The following SNTB2 variants were observed in gnomAD, a reference collection of about 807,000 sequenced individuals.
SNTB2 encodes the protein beta-2-syntrophin.
Under a neutral mutation model 46.2 loss-of-function variants are expected in SNTB2, and 34 were observed. That is an observed-to-expected ratio of 0.74 (90% CI 0.56 to 0.98). The LOEUF (loss-of-function observed/expected upper bound fraction) is 0.98, where lower values mean the gene tolerates loss of function less well. Ranked by LOEUF, SNTB2 falls within the 50% of genes least tolerant of loss-of-function variation. The pLI, the probability that SNTB2 is intolerant of heterozygous loss-of-function variation, is 0.00. For synonymous variants in SNTB2, 290 were observed against 312.6 expected, an observed-to-expected ratio of 0.93 and a Z score of 0.76; for missense variants, 603 against 731.4, an observed-to-expected ratio of 0.82 and a Z score of 2.02.
chr16:69,281,090 C>T lies in SNTB2; in HGVS notation c.1149-2958C>T, dbSNP rs377101339. 4.7e-4 allele frequency among the ~76,000 whole-genome samples: 72 copies of T among 152,194 alleles called. No individual in the cohort carries two copies. The East Asian group carries it at 0.01, about 22-fold the overall frequency. On this transcript the variant is annotated intron_variant, in intron 4 of 6. Transcript: ENST00000336278. ...GATTACAGGCATGAGCCACCGCGCC[C>T]GGCCTCATTCTCTTAACAGTATTTT...
At chr16:69,227,386 A>G (rs1425121477) in intron 1 of SNTB2, among the ~76,000 whole-genome samples, 1 of 152,218 alleles carries the variant, frequency 6.6e-6, no homozygotes, top group Non-Finnish European at 1.5e-5. Flanking sequence ...GTGATGCCAT[A>G]TAGAGTGGGG....
chr16:69,201,697 A>G (rs887432302), intron 1 of SNTB2, among the ~76,000 whole-genome samples: 1 of 152,206 alleles, frequency 6.6e-6, no homozygotes, highest in Non-Finnish European at 1.5e-5. Flanking sequence ...AAACCAAAAA[A>G]CCAAAAATGT....
At chr16:69,207,215 C>T (rs1434702007) in intron 1 of SNTB2, among the ~76,000 whole-genome samples, 3 of 131,622 alleles carry the variant, frequency 2.3e-5, no homozygotes, top group South Asian at 2.2e-4. Context: ...AGTGCAGTGG[C>T]GCAATATCGG....
At chr16:69,207,389 C>G (rs1964233976) in intron 1 of SNTB2, among the ~76,000 whole-genome samples, 1 of 151,956 alleles carries the variant, frequency 6.6e-6, no homozygotes, top group Non-Finnish European at 1.5e-5. Context: ...AACTCCTGAC[C>G]TCAGGTGATC....
intron 3 of SNTB2, among the ~76,000 whole-genome samples, chr16:69,269,601 A>G (rs1482437278): frequency 6.6e-6 from 1 of 152,240 alleles, no homozygotes; most frequent in Non-Finnish European, 1.5e-5. Flanking sequence ...TCAACTATCT[A>G]TGTATGTATA....
chr16:69,206,537 C>G (rs890331317), intron 1 of SNTB2, among the ~76,000 whole-genome samples: 10 of 151,234 alleles, frequency 6.6e-5, no homozygotes, highest in Non-Finnish European at 1.5e-4. Context: ...ACTAAAAATA[C>G]AAAATTAGCC....
At chr16:69,279,449 G>T (rs1965015611) in intron 4 of SNTB2, among the ~76,000 whole-genome samples, 1 of 151,156 alleles carries the variant, frequency 6.6e-6, no homozygotes, top group Non-Finnish European at 1.5e-5. Context: ...AACATAGGTG[G>T]GCAAATATGT....
At chr16:69,237,551 C>T (rs1964569430) in intron 1 of SNTB2, among the ~76,000 whole-genome samples, 2 of 150,650 alleles carry the variant, frequency 1.3e-5, no homozygotes, top group Admixed American at 1.3e-4. Flanking sequence ...TTTGGATAAA[C>T]TTGGTACTAT....
At chr16:69,196,340 T>C (rs1686401191) in intron 1 of SNTB2, among the ~76,000 whole-genome samples, 1 of 151,830 alleles carries the variant, frequency 6.6e-6, no homozygotes, top group African/African-American at 2.4e-5. Context: ...TCTGCTAAGC[T>C]CTTTATGATC....
chr16:69,267,139 T>C (rs1964894821), intron 3 of SNTB2, among the ~76,000 whole-genome samples: 1 of 152,066 alleles, frequency 6.6e-6, no homozygotes, highest in African/African-American at 2.4e-5. Context: ...GCGATTCTCC[T>C]GCCTCAGCCT....
intron 3 of SNTB2, among the ~76,000 whole-genome samples, chr16:69,261,819 C>T (rs1334850116): frequency 6.6e-6 from 1 of 152,196 alleles, no homozygotes; most frequent in East Asian, 1.9e-4. Context: ...CCCTCATTCC[C>T]GTTACCTATC....
At chr16:69,273,763 C>G (rs1400345748) in intron 4 of SNTB2, among the ~76,000 whole-genome samples, 1 of 152,086 alleles carries the variant, frequency 6.6e-6, no homozygotes, top group African/African-American at 2.4e-5. Context: ...AAAAGAGAGA[C>G]TAAGACTGAT....
At chr16:69,216,907 A>C (rs1008730039) in intron 1 of SNTB2, among the ~76,000 whole-genome samples, 18 of 152,186 alleles carry the variant, frequency 1.2e-4, no homozygotes, top group Admixed American at 1.2e-3. Context: ...TGCAAAGCCC[A>C]TGAGTGGGAA....
chr16:69,217,602 T>C (rs1271552068), intron 1 of SNTB2, among the ~76,000 whole-genome samples: 6 of 152,240 alleles, frequency 3.9e-5, no homozygotes, highest in Admixed American at 3.9e-4. Context: ...AAGCTTGAGT[T>C]CTGACTCATT....
rs749329042 is a variant in SNTB2 at position 69,284,196 on chromosome 16, G to C, written c.1297G>C (p.Val433Leu). Reference sequence around the variant, plus strand: ...TCTGTCATCCTGGACCAGGATACTTGTTCAGGGTTGCCATGCTGCTGCTGA... The same window carrying C: ...TCTGTCATCCTGGACCAGGATACTTCTTCAGGGTTGCCATGCTGCTGCTGA... ...RDLSSWTRILVQGCHAAAELI... is the reference protein window; with the variant it reads ...RDLSSWTRILLQGCHAAAELI... The change falls in exon 5 of 7, where the codon GTT becomes CTT. Residue 433 changes from valine to leucine, a missense_variant. Coordinates refer to ENST00000336278, the MANE Select transcript of SNTB2 (RefSeq NM_006750.4). 6.2e-7 allele frequency: 1 copy of C among 1,613,958 alleles called. No homozygotes were observed. The highest frequency in any genetic ancestry group is 1.7e-5 in the Admixed American group (1 of 59,988).
intron 3 of SNTB2, among the ~76,000 whole-genome samples, chr16:69,261,140 A>AAACTGCTTTTGAGT (rs1407803721): frequency 1.3e-5 from 2 of 152,098 alleles, no homozygotes; most frequent in Non-Finnish European, 2.9e-5. Context: ...TTCGAAACTT[A>AAACTGCTTTTGAGT]CGTTTTGAAT....
intron 1 of SNTB2, among the ~76,000 whole-genome samples, chr16:69,193,170 C>T (rs1186375477): frequency 4.6e-5 from 7 of 151,192 alleles, no homozygotes; most frequent in African/African-American, 1.7e-4. Context: ...GCAGTAGGAT[C>T]ACTTGAGGCC....
intron 1 of SNTB2, among the ~76,000 whole-genome samples, chr16:69,227,881 G>A (rs1424390826): frequency 7.0e-6 from 1 of 143,496 alleles, no homozygotes; most frequent in Non-Finnish European, 1.5e-5. Context: ...TAAGTAAGAT[G>A]GGGTCTCACT....
intron 1 of SNTB2, among the ~76,000 whole-genome samples, chr16:69,211,434 C>T (rs186554480): frequency 6.0e-5 from 9 of 151,006 alleles, no homozygotes; most frequent in Admixed American, 4.6e-4. Context: ...ACCTGTAGAC[C>T]CAGCTACTTG....
Sources: allele counts gnomAD v4.1 joint callset (sites outside exome capture counted in the v4.1 genomes callset), GRCh38; gene constraint gnomAD v4.1.1; transcripts MANE v1.5; gene names NCBI Gene and HGNC (gene_info 2026-07-23, HGNC 2026-07-21).